The following C6orf62 variants were observed in gnomAD, a reference collection of about 807,000 sequenced individuals.
C6orf62 encodes the protein uncharacterized protein C6orf62.
In C6orf62, 16 loss-of-function variants were observed where a neutral mutation model predicts 26.8. The ratio of observed to expected loss-of-function variants is 0.60; its 90% CI spans 0.40 to 0.91. The LOEUF is 0.91. C6orf62 is among the 40% of genes least tolerant of loss of function. C6orf62 has a pLI of 0.00. For missense variants in C6orf62, 192 were observed against 271.4 expected, an observed-to-expected ratio of 0.71 and a Z score of 2.06; for synonymous variants, 112 against 91.5, an observed-to-expected ratio of 1.22 and a Z score of -1.28.
At chr6:24,718,294 G>A (rs960733979) in intron 1 of C6orf62, among the ~76,000 whole-genome samples, 1 of 152,080 alleles carries the variant, frequency 6.6e-6, no homozygotes, top group Non-Finnish European at 1.5e-5. Flanking sequence ...TGTCAACTCA[G>A]TGTATACTAC....
In C6orf62 at chr6:24,705,899, A is replaced by G. The variant is rs970733311; in HGVS notation, c.*238T>C. On this transcript the variant is annotated 3_prime_UTR_variant, in exon 5 of 5. Transcript: ENST00000378119. ...CACATTTTTAGTAAGATACTGATGCAGTGCAGCAAATATGCAAAGCATCTT... is the reference window on the plus strand; with the variant it reads ...CACATTTTTAGTAAGATACTGATGCGGTGCAGCAAATATGCAAAGCATCTT... 1.5e-5 allele frequency: 6 copies of G among 413,536 alleles called. No homozygotes were observed. In the South Asian group the frequency reaches 2.2e-4, roughly 15 times the overall value. The allele number at this position is 413,536 out of a possible 1,614,324, so 25.6% of individuals were successfully genotyped here.
At chr6:24,714,947 C>G (rs1206341573) in intron 2 of C6orf62, among the ~76,000 whole-genome samples, 1 of 152,052 alleles carries the variant, frequency 6.6e-6, no homozygotes, top group Non-Finnish European at 1.5e-5. Context: ...TACAGAGAGT[C>G]ACATACACTC....
chr6:24,720,633 A>T (rs1387942320), upstream of C6orf62: 2 of 153,786 alleles, frequency 1.3e-5, no homozygotes, highest in African/African-American at 2.4e-5. Flanking sequence ...AAGTTATTTC[A>T]GTTCAAGCAT....
intron 1 of C6orf62, among the ~76,000 whole-genome samples, chr6:24,717,761 C>T (rs1319729247): frequency 6.6e-6 from 1 of 152,238 alleles, no homozygotes; most frequent in African/African-American, 2.4e-5. Context: ...CCAAGTAGCA[C>T]TTCCTTACAT....
intron 4 of C6orf62, 126 bp from the exon 5 acceptor site, chr6:24,706,388 T>C: frequency 7.3e-7 from 1 of 1,374,856 alleles, no homozygotes; most frequent in Non-Finnish European, 9.7e-7. Flanking sequence ...TTGTAGTCCC[T>C]ATCCATATTC....
intron 3 of C6orf62, among the ~76,000 whole-genome samples, chr6:24,713,831 GACAA>G (rs1372781521): frequency 9.2e-5 from 14 of 152,140 alleles, no homozygotes; most frequent in South Asian, 6.2e-4. Flanking sequence ...AGTATACCAT[GACAA>G]ACAGTCAAAA....
intron 2 of C6orf62, among the ~76,000 whole-genome samples, chr6:24,715,533 A>G (rs1447679422): frequency 6.6e-6 from 1 of 152,196 alleles, no homozygotes; most frequent in Non-Finnish European, 1.5e-5. Flanking sequence ...CTTTCTGCAT[A>G]ACACTTAAAT....
At chr6:24,720,375 G>A (rs1219147273), upstream of C6orf62, 2 of 1,205,578 alleles carry the variant, frequency 1.7e-6, no homozygotes, top group Non-Finnish European at 2.1e-6. Flanking sequence ...CATCCCCGCT[G>A]CAGTGCGCAC....
chr6:24,718,645 C>G lies in C6orf62; in HGVS notation c.24G>C (p.Lys8Asn). The part of the protein sequence containing the change: MGDPNSR[K>N]KQALNRLRAQ... ...CACGTAGTCTGTTCAGAGCTTGTTT[C>G]TTCCGGGAGTTTGGGTCCCCCATTT... The change falls in exon 1 of 5, where the codon AAG (lysine) becomes AAC (asparagine). Residue 8 changes from lysine to asparagine, a missense_variant. By Grantham distance (94) the Lys-to-Asn change is moderately conservative. Transcript: ENST00000378119. 1 of 1,613,872 alleles carries G rather than the reference C, an allele frequency of 6.2e-7. No individual in the cohort carries two copies. Among genetic ancestry groups the G allele is most frequent in the Non-Finnish European group, 8.5e-7 (1 of 1,179,966 alleles).
chr6:24,720,263 G>A, upstream of C6orf62: 2 of 1,296,452 alleles, frequency 1.5e-6, no homozygotes, highest in Non-Finnish European at 9.7e-7. Flanking sequence ...GCCTGCGGGC[G>A]GAGCGGTGGC....
At position 24,704,873 on chromosome 6, in the gene C6orf62, C is replaced by A. The variant is rs371234821; in HGVS notation, c.*1264G>T. On this transcript the variant is annotated 3_prime_UTR_variant, in exon 5 of 5. Transcript: ENST00000378119. Reference sequence around the variant, plus strand: ...TAACACTTCAAACTTTGTGTATTCACCTGAATAGTCAGGGAACTTTCACCT... The same window carrying A: ...TAACACTTCAAACTTTGTGTATTCAACTGAATAGTCAGGGAACTTTCACCT... The A allele has an allele frequency of 2.0e-5, 3 of 152,172 alleles. No individual in the cohort carries two copies. In the East Asian group the frequency reaches 5.8e-4, roughly 29 times the overall value. The allele number at this position is 152,172 out of a possible 1,614,324, so 9.4% of individuals were successfully genotyped here. A position where few individuals can be genotyped will look rare whatever the true frequency, so the allele number is the denominator to read the frequency against.
chr6:24,712,120 C>T (rs757371806), intron 3 of C6orf62, among the ~76,000 whole-genome samples: 24 of 152,132 alleles, frequency 1.6e-4, no homozygotes, highest in Non-Finnish European at 2.5e-4. Context: ...TGTGGTGGCT[C>T]ATACCCGTAA....
At chr6:24,716,109 C>T (rs771372374) in intron 2 of C6orf62, 39 bp downstream of exon 2, 15 of 1,577,830 alleles carry the variant, frequency 9.5e-6, no homozygotes, top group Non-Finnish European at 1.1e-5. Flanking sequence ...GGTTAATCCA[C>T]AGAAACTTTA....
In C6orf62 at chr6:24,705,313, C is replaced by T. The variant is rs9461052; in HGVS notation, c.*824G>A. The stretch of plus-strand genomic sequence containing the variant: ...AATAAAAATCTCTTCTCTGTAAAAC[C>T]AAAAACAAAACAAAACAAAACAAAA... On this transcript the variant is annotated 3_prime_UTR_variant, in exon 5 of 5. Transcript: ENST00000378119. The T allele has an allele frequency of 0.039, 5,869 of 151,606 alleles. 141 individuals carry two copies. Among genetic ancestry groups the T allele is most frequent in the East Asian group, 0.073 (377 of 5,176 alleles). 9.4% of individuals were successfully genotyped at this position (151,606 alleles called of 1,614,324 possible). A position where few individuals can be genotyped will look rare whatever the true frequency, so the allele number is the denominator to read the frequency against.
At chr6:24,710,465 T>A in intron 3 of C6orf62, 4 of 466,860 alleles carry the variant, frequency 8.6e-6, no homozygotes, top group Non-Finnish European at 1.1e-5. Context: ...GACTTCTTTA[T>A]GTTGGTCAGG....
At chr6:24,717,495 T>C (rs1004497047) in intron 1 of C6orf62, among the ~76,000 whole-genome samples, 13 of 152,210 alleles carry the variant, frequency 8.5e-5, no homozygotes, top group African/African-American at 3.1e-4. Context: ...AATAACCTTT[T>C]AGGAGTTAAG....
At chr6:24,711,697 A>G (rs932487938) in intron 3 of C6orf62, among the ~76,000 whole-genome samples, 1 of 152,016 alleles carries the variant, frequency 6.6e-6, no homozygotes, top group African/African-American at 2.4e-5. Context: ...AAAACAAAAA[A>G]AAGAGGCCTG....
chr6:24,720,597 G>A (rs752099911), upstream of C6orf62: 7 of 161,084 alleles, frequency 4.3e-5, no homozygotes, highest in Non-Finnish European at 6.6e-5. Context: ...CTGCGCTAAG[G>A]GTCAGCAAAG....
chr6:24,720,083 T>C (rs1180310405), upstream of C6orf62: 5 of 1,344,322 alleles, frequency 3.7e-6, no homozygotes, highest in Admixed American at 1.5e-4. Flanking sequence ...AGACCATGTT[T>C]CCAGAGTTTG....
Sources: allele counts gnomAD v4.1 joint callset (sites outside exome capture counted in the v4.1 genomes callset), GRCh38; gene constraint gnomAD v4.1.1; transcripts MANE v1.5; gene names NCBI Gene and HGNC (gene_info 2026-07-23, HGNC 2026-07-21).